Variants in GAB2 observed in about 807,000 individuals in gnomAD.
GAB2 encodes the protein GRB2-associated-binding protein 2.
A neutral mutation model predicts 65.5 loss-of-function variants in GAB2; 26 were observed. The ratio of observed to expected loss-of-function variants is 0.40; its 90% CI spans 0.29 to 0.55. GAB2 has a LOEUF of 0.55. Ranked by LOEUF, GAB2 falls within the 20% of genes least tolerant of loss-of-function variation. GAB2 has a pLI of 0.53. For synonymous variants in GAB2, 321 were observed against 329.6 expected, an observed-to-expected ratio of 0.97 and a Z score of 0.28; for missense variants, 884 against 875.8, an observed-to-expected ratio of 1.01 and a Z score of -0.12.
chr11:78,355,846 G>A (rs1360925616), intron 1 of GAB2, among the ~76,000 whole-genome samples: 1 of 152,094 alleles, frequency 6.6e-6, no homozygotes, highest in Non-Finnish European at 1.5e-5. Flanking sequence ...GGCTGGGTCA[G>A]TCACTTAACC....
At chr11:78,277,455 G>T (rs1866204299) in intron 2 of GAB2, among the ~76,000 whole-genome samples, 2 of 152,168 alleles carry the variant, frequency 1.3e-5, no homozygotes, top group Admixed American at 6.5e-5. Context: ...TGGTGCTGGG[G>T]AAAGACGGTC....
At position 78,341,228 on chromosome 11, in the gene GAB2, C is replaced by G. The variant is rs151160613; in HGVS notation, c.76-60327G>C. The stretch of plus-strand genomic sequence containing the variant: ...TGGATATATTCATTTATTCATTCAA[C>G]ATTTATTGAATGCCTATTATGTGTC... On this transcript the variant is annotated intron_variant, in intron 1 of 9. Transcript: ENST00000361507. Among the ~76,000 whole-genome samples the G allele has an allele frequency of 1.4e-4, 21 of 152,344 alleles. No individual in the cohort carries two copies. In the East Asian group the frequency reaches 3.7e-3, roughly 27 times the overall value.
intron 1 of GAB2, among the ~76,000 whole-genome samples, chr11:78,369,975 T>C (rs975421970): frequency 3.3e-5 from 5 of 152,152 alleles, no homozygotes; most frequent in Non-Finnish European, 7.3e-5. Context: ...AAGAAAATAC[T>C]GGCCGGGCGC....
At chr11:78,229,833 G>A (rs781422165) in intron 3 of GAB2, among the ~76,000 whole-genome samples, 2 of 152,186 alleles carry the variant, frequency 1.3e-5, no homozygotes, top group Non-Finnish European at 2.9e-5. Context: ...GTTGGGCTGT[G>A]TCTGGAAGGC....
At chr11:78,323,928 G>C (rs1855776300) in intron 1 of GAB2, among the ~76,000 whole-genome samples, 1 of 150,712 alleles carries the variant, frequency 6.6e-6, no homozygotes, top group East Asian at 2.0e-4. Context: ...CTCCCGAGTA[G>C]CTGAGACTAC....
At chr11:78,321,786 A>G (rs939116301) in intron 1 of GAB2, among the ~76,000 whole-genome samples, 4 of 152,176 alleles carry the variant, frequency 2.6e-5, no homozygotes, top group African/African-American at 9.7e-5. Flanking sequence ...TATTGTTACA[A>G]AAACAGACAT....
At chr11:78,290,329 A>G (rs538405212) in intron 1 of GAB2, among the ~76,000 whole-genome samples, 111 of 152,348 alleles carry the variant, frequency 7.3e-4, no homozygotes, top group Non-Finnish European at 1.0e-3. Flanking sequence ...TGCCACTCCC[A>G]TCTCTGATGA....
intron 1 of GAB2, among the ~76,000 whole-genome samples, chr11:78,389,368 A>C (rs1856805894): frequency 6.6e-6 from 1 of 150,540 alleles, no homozygotes; most frequent in Non-Finnish European, 1.5e-5. Flanking sequence ...GTGCAATGGC[A>C]CAATCTCGGC....
chr11:78,362,181 T>C (rs73500976), intron 1 of GAB2, among the ~76,000 whole-genome samples: 3,739 of 152,070 alleles, frequency 0.025, 121 homozygotes, highest in African/African-American at 0.078. Flanking sequence ...CTATTAGATA[T>C]ATTCTAACAT....
Position 78,226,584 on chromosome 11 carries a change from G to A in GAB2, c.1088C>T (p.Thr363Ile). The part of the protein sequence containing the change: ...PRPPKPSQAE[T>I]PRWGSPQQRP... ...CTGCTGAGGACTGCCCCATCGAGGTGTTTCTGCCTGACTTGGCTTGGGGGG... is the reference window on the plus strand; with the variant it reads ...CTGCTGAGGACTGCCCCATCGAGGTATTTCTGCCTGACTTGGCTTGGGGGG... The change falls in exon 4 of 10, where the codon ACA becomes ATA. Residue 363 changes from threonine to isoleucine, a missense_variant. Transcript: ENST00000361507. 1.1e-6 allele frequency: 1 copy of A among 938,554 alleles called. No homozygotes were observed. The highest frequency in any genetic ancestry group is 1.6e-6 in the Non-Finnish European group (1 of 642,256). The allele number at this position is 938,554 out of a possible 1,614,324, so 58.1% of individuals were successfully genotyped here.
At position 78,226,550 on chromosome 11, in the gene GAB2, T is replaced by A; in HGVS notation, c.1122A>T (p.Pro374=). The A allele has an allele frequency of 7.4e-7, 1 of 1,349,220 alleles. No individual in the cohort carries two copies. Among genetic ancestry groups the A allele is most frequent in the Non-Finnish European group, 9.8e-7 (1 of 1,022,538 alleles). 83.6% of individuals were successfully genotyped at this position (1,349,220 alleles called of 1,614,324 possible). ...PRWGSPQQRP[P]ISENSRSVAA... is the part of the protein sequence containing the mutation. ...CGACAGATCTGCTATTTTCACTGAT[T>A]GGCGGTCTCTGCTGAGGACTGCCCC... Residue 374 remains proline, a synonymous_variant, in exon 4 of 10, where the codon CCA becomes CCT. Transcript: ENST00000361507.
At chr11:78,267,755 G>A (rs1255144739) in intron 2 of GAB2, among the ~76,000 whole-genome samples, 1 of 151,270 alleles carries the variant, frequency 6.6e-6, no homozygotes, top group Non-Finnish European at 1.5e-5. Context: ...CTACTCGGGA[G>A]GCTGAGGCAG....
chr11:78,309,969 T>TGTGTGC (rs1565153892), intron 1 of GAB2, among the ~76,000 whole-genome samples: 1 of 104,382 alleles, frequency 9.6e-6, no homozygotes, highest in African/African-American at 4.3e-5. Flanking sequence ...TGTGTGTGTG[T>TGTGTGC]GTGCGCGCGC....
At chr11:78,337,022 T>G (rs1354216082) in intron 1 of GAB2, among the ~76,000 whole-genome samples, 3 of 152,206 alleles carry the variant, frequency 2.0e-5, no homozygotes, top group Non-Finnish European at 4.4e-5. Flanking sequence ...CTACCTACCT[T>G]TGACTATGGA....
At chr11:78,221,903 A>C (rs1864445727) in intron 7 of GAB2, 124 bp from the exon 8 acceptor site, 5 of 700,618 alleles carry the variant, frequency 7.1e-6, no homozygotes, top group South Asian at 1.7e-5. Flanking sequence ...ACACTCCATC[A>C]GATTAAGATC....
At chr11:78,356,909 A>T (rs1164092363) in intron 1 of GAB2, among the ~76,000 whole-genome samples, 1 of 152,234 alleles carries the variant, frequency 6.6e-6, no homozygotes, top group East Asian at 1.9e-4. Flanking sequence ...AAGGACAAAT[A>T]CTGTATGATC....
At chr11:78,230,065 T>C (rs992991943) in intron 3 of GAB2, among the ~76,000 whole-genome samples, 5 of 152,256 alleles carry the variant, frequency 3.3e-5, no homozygotes, top group African/African-American at 9.6e-5. Context: ...GGAAAGAAAC[T>C]GTGTCTTACT....
intron 3 of GAB2, among the ~76,000 whole-genome samples, chr11:78,239,766 G>A (rs1256792590): frequency 6.6e-6 from 1 of 152,156 alleles, no homozygotes; most frequent in Non-Finnish European, 1.5e-5. Context: ...CCTCACCACT[G>A]GAGTCCCCTG....
intron 2 of GAB2, among the ~76,000 whole-genome samples, chr11:78,266,272 G>A (rs532665559): frequency 4.7e-5 from 7 of 149,510 alleles, no homozygotes; most frequent in Non-Finnish European, 1.0e-4. Context: ...CTACTCTGTG[G>A]CTACTAATAC....
Sources: allele counts gnomAD v4.1 joint callset (sites outside exome capture counted in the v4.1 genomes callset), GRCh38; gene constraint gnomAD v4.1.1; transcripts MANE v1.5; gene names NCBI Gene and HGNC (gene_info 2026-07-23, HGNC 2026-07-21).